CCDC178: variants seen among roughly 807,000 people sequenced by gnomAD.
CCDC178 encodes the protein coiled-coil domain-containing protein 178.
CCDC178 carries 126 observed loss-of-function variants against 117.4 expected under a neutral mutation model. The observed-to-expected ratio is 1.07, with a 90% CI of 0.93 to 1.24. The LOEUF is 1.24. Among genes scored for constraint, CCDC178 ranks in the 50% most tolerant of loss-of-function variants. The probability of loss-of-function intolerance (pLI) is 0.00; values close to 1 mark genes in which losing one functional copy is unlikely to be tolerated. For synonymous variants in CCDC178, 283 were observed against 313.4 expected (o/e 0.90, Z 1.02); for missense variants, 1,030 against 986.9 (o/e 1.04, Z -0.59).
intron 2 of CCDC178, among the ~76,000 whole-genome samples, chr18:33,422,142 T>G (rs1298290282): frequency 1.3e-5 from 2 of 152,234 alleles, no homozygotes; most frequent in Admixed American, 1.3e-4. Flanking sequence ...AATTACCATT[T>G]TTAAATTATT....
chr18:32,980,070 C>A (rs2055116200), intron 21 of CCDC178, among the ~76,000 whole-genome samples: 1 of 152,094 alleles, frequency 6.6e-6, no homozygotes, highest in African/African-American at 2.4e-5. Context: ...GAAAGTTAAT[C>A]TTTAACAATT....
chr18:33,098,011 A>G (rs1250468163), intron 20 of CCDC178, among the ~76,000 whole-genome samples: 2 of 152,090 alleles, frequency 1.3e-5, no homozygotes, highest in East Asian at 1.9e-4. Context: ...ACTGTGGACT[A>G]TGGTTGAATG....
chr18:33,354,252 A>G (rs1318852755), intron 7 of CCDC178, among the ~76,000 whole-genome samples: 1 of 152,176 alleles, frequency 6.6e-6, no homozygotes, highest in Admixed American at 6.5e-5. Flanking sequence ...ACTAAAATGT[A>G]TATGGGTGTG....
intron 20 of CCDC178, among the ~76,000 whole-genome samples, chr18:33,187,514 A>G (rs1192800641): frequency 6.6e-6 from 1 of 152,092 alleles, no homozygotes; most frequent in African/African-American, 2.4e-5. Flanking sequence ...GCTTATAACC[A>G]GACTCAAGTT....
intron 21 of CCDC178, among the ~76,000 whole-genome samples, chr18:33,017,874 T>C (rs1458317148): frequency 6.6e-6 from 1 of 151,878 alleles, no homozygotes; most frequent in South Asian, 2.1e-4. Context: ...GGATTAGTCA[T>C]GAACCTCTTA....
chr18:33,408,958 C>T (rs1423101879), intron 3 of CCDC178, among the ~76,000 whole-genome samples: 1 of 152,172 alleles, frequency 6.6e-6, no homozygotes, highest in Non-Finnish European at 1.5e-5. Flanking sequence ...AAATGTGACT[C>T]ATCTGAAAAT....
At position 33,041,768 on chromosome 18, in the gene CCDC178, G is replaced by C. The variant is rs186592412; in HGVS notation, c.2388+50993C>G. On this transcript the variant is annotated intron_variant, in intron 21 of 22. Coordinates refer to ENST00000383096, the MANE Select transcript of CCDC178 (RefSeq NM_001105528.4). The stretch of plus-strand genomic sequence containing the variant: ...GAAAACCAACAATATCAGAGTTGAA[G>C]AATTGATTGGAAAGGTAAACATGTC... Among the ~76,000 whole-genome samples the C allele has an allele frequency of 9.9e-5, 15 of 151,788 alleles. No homozygotes were observed. The East Asian group carries it at 2.7e-3, about 27-fold the overall frequency.
intron 5 of CCDC178, among the ~76,000 whole-genome samples, chr18:33,382,222 A>G (rs1009104771): frequency 6.6e-6 from 1 of 152,226 alleles, no homozygotes; most frequent in African/African-American, 2.4e-5. Context: ...GAATGACCTA[A>G]AAAGAAATAA....
chr18:32,995,910 T>TATATCTATATCC (rs1185593085), intron 21 of CCDC178, among the ~76,000 whole-genome samples: 1 of 143,264 alleles, frequency 7.0e-6, no homozygotes, highest in Non-Finnish European at 1.5e-5. Context: ...CAATTTTATC[T>TATATCTATATCC]ATATCTATAT....
At chr18:33,379,697 T>C (rs1043428901) in intron 5 of CCDC178, among the ~76,000 whole-genome samples, 13 of 152,246 alleles carry the variant, frequency 8.5e-5, no homozygotes, top group Admixed American at 3.3e-4. Context: ...CTCTAGGTGA[T>C]TGGGTGTTCC....
At chr18:33,186,535 A>G (rs1243787752) in intron 20 of CCDC178, among the ~76,000 whole-genome samples, 2 of 152,092 alleles carry the variant, frequency 1.3e-5, no homozygotes, top group Non-Finnish European at 2.9e-5. Flanking sequence ...AAAGAGAAAC[A>G]AGGACGTAGT....
intron 2 of CCDC178, among the ~76,000 whole-genome samples, chr18:33,420,133 T>G (rs1271754797): frequency 6.6e-6 from 1 of 152,094 alleles, no homozygotes; most frequent in Non-Finnish European, 1.5e-5. Context: ...TGAGATCATG[T>G]CCTTTGCAGC....
At chr18:32,971,957 C>T (rs1456929374) in intron 22 of CCDC178, among the ~76,000 whole-genome samples, 1 of 151,902 alleles carries the variant, frequency 6.6e-6, no homozygotes, top group East Asian at 1.9e-4. Context: ...CTTTTTTTCC[C>T]ATTTTATAGG....
intron 11 of CCDC178, among the ~76,000 whole-genome samples, chr18:33,317,996 C>T (rs375758645): frequency 1.3e-5 from 2 of 152,204 alleles, no homozygotes; most frequent in Middle Eastern, 3.4e-3. Context: ...CATGAAACAA[C>T]CGGAAGAAGG....
At chr18:33,351,147 G>GT (rs756492350) in intron 7 of CCDC178, among the ~76,000 whole-genome samples, 1 of 74,042 alleles carries the variant, frequency 1.4e-5, no homozygotes, top group Non-Finnish European at 2.7e-5. Flanking sequence ...CACTGATCAT[G>GT]ATGTGTGTGT....
At chr18:33,339,877 T>A (rs889450572) in intron 9 of CCDC178, among the ~76,000 whole-genome samples, 6 of 152,096 alleles carry the variant, frequency 3.9e-5, no homozygotes, top group Admixed American at 1.3e-4. Context: ...TCTTTCTTCC[T>A]AGTCTCGGGT....
intron 20 of CCDC178, among the ~76,000 whole-genome samples, chr18:33,207,874 A>C (rs1808341233): frequency 6.6e-6 from 1 of 152,060 alleles, no homozygotes; most frequent in South Asian, 2.1e-4. Context: ...GGAAACACTC[A>C]AAATCTATTA....
chr18:33,412,551 A>G (rs911884496), intron 2 of CCDC178, among the ~76,000 whole-genome samples: 4 of 152,144 alleles, frequency 2.6e-5, no homozygotes, highest in Admixed American at 2.0e-4. Flanking sequence ...ATGGATTTCT[A>G]TATCTCCATC....
intron 22 of CCDC178, among the ~76,000 whole-genome samples, chr18:32,942,215 C>G (rs1289250492): frequency 6.6e-6 from 1 of 152,140 alleles, no homozygotes; most frequent in East Asian, 1.9e-4. Flanking sequence ...ACACAGAGAA[C>G]AGAGTGACCC....
Sources: gnomAD v4.1 joint callset for allele counts (sites outside exome capture counted in the v4.1 genomes callset) on GRCh38, gnomAD v4.1.1 for gene constraint, MANE v1.5 for transcripts, NCBI Gene and HGNC (gene_info 2026-07-23, HGNC 2026-07-21) for gene names.